The following PCDHA8 variants were observed in gnomAD, a reference collection of about 807,000 sequenced individuals.
PCDHA8 encodes protocadherin alpha 8.
A neutral mutation model predicts 61.8 loss-of-function variants in PCDHA8; 53 were observed. That is an observed-to-expected ratio of 0.86 (90% CI 0.69 to 1.08). The LOEUF (loss-of-function observed/expected upper bound fraction) is 1.08, where lower values mean the gene tolerates loss of function less well. Ranked by LOEUF, PCDHA8 falls within the 50% of genes least tolerant of loss-of-function variation. PCDHA8 has a pLI of 0.00. For synonymous variants in PCDHA8, 618 were observed against 556.6 expected, an observed-to-expected ratio of 1.11 and a Z score of -1.55; for missense variants, 1,293 against 1,245.0, an observed-to-expected ratio of 1.04 and a Z score of -0.58.
chr5:140,943,574 G>C (rs1424164723), intron 1 of PCDHA8, among the ~76,000 whole-genome samples: 1 of 152,154 alleles, frequency 6.6e-6, no homozygotes, highest in African/African-American at 2.4e-5. Context: ...TTAATTTGTT[G>C]ATCTGAGTGG....
intron 1 of PCDHA8, chr5:140,849,885 G>C (rs2150456327): frequency 1.3e-6 from 2 of 1,598,614 alleles, no homozygotes; most frequent in Non-Finnish European, 1.7e-6. Flanking sequence ...CACGGTGTTC[G>C]TGAAGGAGAA....
At chr5:140,942,147 T>C (rs2093240437) in intron 1 of PCDHA8, among the ~76,000 whole-genome samples, 1 of 152,236 alleles carries the variant, frequency 6.6e-6, no homozygotes, top group Non-Finnish European at 1.5e-5. Flanking sequence ...TTACTTGACA[T>C]AAAACAGCTT....
At chr5:140,937,238 C>T (rs1339814732) in intron 1 of PCDHA8, among the ~76,000 whole-genome samples, 1 of 151,920 alleles carries the variant, frequency 6.6e-6, no homozygotes, top group Admixed American at 6.6e-5. Flanking sequence ...GGGGTTTCAC[C>T]GTGTTAGCCA....
At chr5:140,946,546 A>G (rs1418590491) in intron 1 of PCDHA8, among the ~76,000 whole-genome samples, 5 of 150,480 alleles carry the variant, frequency 3.3e-5, no homozygotes, top group Admixed American at 1.3e-4. Flanking sequence ...AGCATTATTC[A>G]TGATAGTTCA....
chr5:140,901,307 T>A (rs544600785), intron 1 of PCDHA8, among the ~76,000 whole-genome samples: 1 of 152,264 alleles, frequency 6.6e-6, no homozygotes, highest in East Asian at 1.9e-4. Context: ...TTCCGGAGAG[T>A]TTCCCCAATG....
intron 1 of PCDHA8, chr5:140,851,387 TA>T: frequency 2.1e-6 from 2 of 974,684 alleles, no homozygotes; most frequent in Non-Finnish European, 2.5e-6. Context: ...CAACCTTCAG[TA>T]TCTATTATTT....
At chr5:140,903,570 C>G (rs781884167) in intron 1 of PCDHA8, among the ~76,000 whole-genome samples, 3 of 152,154 alleles carry the variant, frequency 2.0e-5, no homozygotes, top group Non-Finnish European at 4.4e-5. Context: ...GAATTGGGAG[C>G]TGTCTAGCTG....
intron 1 of PCDHA8, chr5:140,869,208 C>T (rs782200592): frequency 2.5e-6 from 4 of 1,613,990 alleles, no homozygotes; most frequent in Middle Eastern, 1.7e-4. Context: ...ACTACTCCGT[C>T]TCGGAGGAGG....
intron 2 of PCDHA8, among the ~76,000 whole-genome samples, chr5:140,981,353 C>G (rs551731316): frequency 6.6e-6 from 1 of 152,048 alleles, no homozygotes; most frequent in East Asian, 1.9e-4. Context: ...GCAGGTGGAT[C>G]ACTTGAGGTC....
chr5:140,869,180 T>C (rs782798909), intron 1 of PCDHA8: 1 of 1,613,322 alleles, frequency 6.2e-7, no homozygotes, highest in Admixed American at 1.7e-5. Flanking sequence ...TTCTGGGAGG[T>C]GGGGAGCGGC....
intron 1 of PCDHA8, chr5:140,870,228 C>T: frequency 6.2e-7 from 1 of 1,614,186 alleles, no homozygotes; most frequent in South Asian, 1.1e-5. Context: ...GCGTGTCTGA[C>T]CGTGACTCAG....
chr5:141,009,760 A>T lies in PCDHA8; in HGVS notation c.2676A>T (p.Gly892=), dbSNP rs782167920. The change falls in exon 4 of 4, where the codon GGA becomes GGT. Residue 892 remains glycine, a synonymous_variant. Transcript: ENST00000531613. ...TGCCCGACAAATTCATTATCCCAGG[A>T]TCTCCTGCAATCATCTCCATCCGGC... ...GELPDKFIIP[G]SPAIISIRQE... is the part of the protein sequence containing the mutation. 1.9e-6 allele frequency: 3 copies of T among 1,614,130 alleles called. No individual in the cohort carries two copies. Among genetic ancestry groups the T allele is most frequent in the Admixed American group, 3.3e-5 (2 of 60,020 alleles).
chr5:140,884,656 G>T (rs782439139), intron 1 of PCDHA8: 8 of 1,602,178 alleles, frequency 5.0e-6, no homozygotes, highest in Non-Finnish European at 6.8e-6. Flanking sequence ...CAGAATGCTT[G>T]AAAGAGGTAA....
chr5:140,898,138 T>C (rs1294129650), intron 1 of PCDHA8, among the ~76,000 whole-genome samples: 1 of 152,208 alleles, frequency 6.6e-6, no homozygotes, highest in African/African-American at 2.4e-5. Flanking sequence ...ATTTTGTAGG[T>C]TGCCTGTTCA....
chr5:140,942,511 CAG>C (rs574477918), intron 1 of PCDHA8, among the ~76,000 whole-genome samples: 21 of 151,458 alleles, frequency 1.4e-4, no homozygotes, highest in Non-Finnish European at 2.8e-4. Flanking sequence ...CTAGGAAACT[CAG>C]AGGGGAAGCA....
At chr5:140,877,198 G>C (rs781787046) in intron 1 of PCDHA8, 26 of 1,613,712 alleles carry the variant, frequency 1.6e-5, no homozygotes, top group Non-Finnish European at 2.2e-5. Flanking sequence ...CGCAGGAGGC[G>C]CAGTTAGCGA....
intron 1 of PCDHA8, chr5:140,862,594 A>G: frequency 2.0e-6 from 1 of 509,532 alleles, no homozygotes; most frequent in Non-Finnish European, 4.0e-6. Flanking sequence ...GCCCGAGTAC[A>G]TGGTGTTCGT....
intron 1 of PCDHA8, chr5:140,927,285 G>T: frequency 1.9e-6 from 3 of 1,614,154 alleles, no homozygotes; most frequent in Non-Finnish European, 2.5e-6. Context: ...ACGTGCAGCT[G>T]CACATCCCCG....
At chr5:140,927,399 TC>T (rs781939330) in intron 1 of PCDHA8, 1 of 1,614,076 alleles carries the variant, frequency 6.2e-7, no homozygotes. Context: ...GTCAGCACTT[TC>T]GCCTGGACAT....
Sources: gnomAD v4.1 joint callset for allele counts (sites outside exome capture counted in the v4.1 genomes callset) on GRCh38, gnomAD v4.1.1 for gene constraint, MANE v1.5 for transcripts, NCBI Gene and HGNC (gene_info 2026-07-23, HGNC 2026-07-21) for gene names.